CCDC146: variants seen among roughly 807,000 people sequenced by gnomAD.
The protein encoded by CCDC146 is coiled-coil domain containing 146, also known as coiled-coil domain-containing protein 146.
In CCDC146, 92 loss-of-function variants were observed where a neutral mutation model predicts 119.3. The observed-to-expected ratio is 0.77, with a 90% confidence interval of 0.65 to 0.92. CCDC146 has a LOEUF of 0.92. Among genes scored for constraint, CCDC146 ranks in the 40% least tolerant of loss-of-function variants. CCDC146 has a pLI of 0.00. For missense variants in CCDC146, 1,000 were observed against 1,103.0 expected, an observed-to-expected ratio of 0.91 and a Z score of 1.32; for synonymous variants, 372 against 371.8, an observed-to-expected ratio of 1.00 and a Z score of -0.01.
At position 77,134,569 on chromosome 7, in the gene CCDC146, G is replaced by C. The variant is rs867117471; in HGVS notation, c.-12+11837G>C. Among the ~76,000 whole-genome samples, 744 of 135,984 alleles carry C rather than the reference G, an allele frequency of 5.5e-3. 4 individuals carry two copies. The highest frequency in any genetic ancestry group is 0.017 in the African/African-American group (563 of 34,000). 89.2% of individuals were successfully genotyped at this position (135,984 alleles called of 152,430 possible). On this transcript the variant is annotated intron_variant, in intron 1 of 18. Coordinates refer to ENST00000285871, the MANE Select transcript of CCDC146 (RefSeq NM_020879.3). ...TGTGTGTGTGTGTGTGTGTCTGTGTGTGTGTGTGTGTGTGTGTGTGTGTGT... is the reference window on the plus strand; with the variant it reads ...TGTGTGTGTGTGTGTGTGTCTGTGTCTGTGTGTGTGTGTGTGTGTGTGTGT...
intron 1 of CCDC146, among the ~76,000 whole-genome samples, chr7:77,150,002 C>CA (rs1189729288): frequency 1.3e-5 from 2 of 149,270 alleles, no homozygotes; most frequent in Admixed American, 6.7e-5. Flanking sequence ...TATATATATG[C>CA]AAAAAAATGA....
chr7:77,187,850 G>T (rs183028017), intron 2 of CCDC146, among the ~76,000 whole-genome samples: 2 of 152,142 alleles, frequency 1.3e-5, no homozygotes, highest in African/African-American at 4.8e-5. Flanking sequence ...TGCTTAAGTG[G>T]TTTTTTCATT....
chr7:77,271,865 C>T (rs568233959), intron 9 of CCDC146, among the ~76,000 whole-genome samples: 7 of 152,184 alleles, frequency 4.6e-5, no homozygotes, highest in African/African-American at 1.4e-4. Flanking sequence ...AAAAATCTGT[C>T]GAGAGCCTTT....
chr7:77,292,275 C>A (rs1474133328), intron 17 of CCDC146, among the ~76,000 whole-genome samples: 1 of 147,692 alleles, frequency 6.8e-6, no homozygotes, highest in East Asian at 2.0e-4. Flanking sequence ...GTGTGAGCAA[C>A]AGAACAAGAC....
chr7:77,215,191 T>TTC (rs1792281951), intron 2 of CCDC146, among the ~76,000 whole-genome samples: 1 of 49,942 alleles, frequency 2.0e-5, no homozygotes, highest in Non-Finnish European at 3.2e-5. Flanking sequence ...TTTTTTGGTG[T>TTC]TTTTTTTTTT....
intron 17 of CCDC146, among the ~76,000 whole-genome samples, chr7:77,292,264 A>C (rs1217005385): frequency 4.7e-5 from 7 of 150,388 alleles, no homozygotes; most frequent in Non-Finnish European, 5.9e-5. Flanking sequence ...ACTATATACC[A>C]GTGTGAGCAA....
At chr7:77,241,180 C>G (rs1364249279) in intron 3 of CCDC146, among the ~76,000 whole-genome samples, 1 of 149,306 alleles carries the variant, frequency 6.7e-6, no homozygotes, top group Non-Finnish European at 1.5e-5. Flanking sequence ...GCCTCAGCCT[C>G]CCGAGTAGCT....
chr7:77,251,482 C>T (rs1294732818), intron 4 of CCDC146, among the ~76,000 whole-genome samples: 2 of 152,178 alleles, frequency 1.3e-5, no homozygotes, highest in Non-Finnish European at 2.9e-5. Flanking sequence ...CTGATGGTTG[C>T]TCTGTCTCTT....
rs570903323 is a variant in CCDC146 at position 77,290,826 on chromosome 7, T to C, written c.2416-2126T>C. On this transcript the variant is annotated intron_variant, in intron 17 of 18. Transcript: ENST00000285871. ...TATTACATTTTCAGAGGCAGGTAAA[T>C]CACTAGCAGCAACATTTTTCTAAAC... Among the ~76,000 whole-genome samples the C allele has an allele frequency of 6.6e-5, 10 of 152,302 alleles. 1 individual carries two copies. In the South Asian group the frequency reaches 1.5e-3, roughly 22 times the overall value.
intron 15 of CCDC146, among the ~76,000 whole-genome samples, chr7:77,283,644 T>G (rs1451319954): frequency 6.6e-6 from 1 of 152,302 alleles, no homozygotes; most frequent in South Asian, 2.1e-4. Flanking sequence ...CTATTAAAAT[T>G]ATCAAAAATC....
chr7:77,146,698 G>T (rs1791025857), intron 1 of CCDC146, among the ~76,000 whole-genome samples: 2 of 152,128 alleles, frequency 1.3e-5, no homozygotes, highest in Admixed American at 1.3e-4. Flanking sequence ...TGAAATTCTG[G>T]GTTGAAAATA....
At position 77,129,966 on chromosome 7, in the gene CCDC146, A is replaced by T. The variant is rs150824458; in HGVS notation, c.-12+7234A>T. 5.2e-3 allele frequency among the ~76,000 whole-genome samples: 797 copies of T among 152,190 alleles called. 6 individuals are homozygous for T. Among genetic ancestry groups the T allele is most frequent in the Non-Finnish European group, 9.1e-3 (617 of 68,010 alleles). On this transcript the variant is annotated intron_variant, in intron 1 of 18. Transcript: ENST00000285871. The stretch of plus-strand genomic sequence containing the variant: ...TGTATCTCAGTGCTTGCATTCAACT[A>T]ACCCTATTTTACTTCATAAGGGCCC...
At chr7:77,158,408 TTATTC>T (rs1341495578) in intron 1 of CCDC146, among the ~76,000 whole-genome samples, 1 of 152,082 alleles carries the variant, frequency 6.6e-6, no homozygotes, top group African/African-American at 2.4e-5. Context: ...AGAATATACT[TTATTC>T]TATTATTTTA....
At chr7:77,160,246 A>AT (rs1370484153) in intron 1 of CCDC146, among the ~76,000 whole-genome samples, 2 of 152,148 alleles carry the variant, frequency 1.3e-5, no homozygotes, top group Non-Finnish European at 2.9e-5. Context: ...TGACTTGGCG[A>AT]TGTGGGCTCT....
At chr7:77,293,275 C>CA in intron 18 of CCDC146, 75 bp downstream of exon 18, 1 of 1,515,086 alleles carries the variant, frequency 6.6e-7, no homozygotes. Context: ...ACAGTTATCC[C>CA]ACAGTATAAG....
chr7:77,197,606 G>T (rs892120735), intron 2 of CCDC146, among the ~76,000 whole-genome samples: 2 of 152,204 alleles, frequency 1.3e-5, no homozygotes, highest in African/African-American at 4.8e-5. Flanking sequence ...ACCTAAAGGG[G>T]CTGATAGCCT....
chr7:77,241,156 C>T (rs1202693801), intron 3 of CCDC146, among the ~76,000 whole-genome samples: 1 of 150,180 alleles, frequency 6.7e-6, no homozygotes, highest in African/African-American at 2.4e-5. Flanking sequence ...CTCCTGGGTT[C>T]ACGCCATTCT....
intron 1 of CCDC146, among the ~76,000 whole-genome samples, chr7:77,147,330 T>A (rs1487223309): frequency 6.6e-6 from 1 of 152,216 alleles, no homozygotes; most frequent in Admixed American, 6.5e-5. Context: ...TTTCAAGGTT[T>A]TTAACTTCTT....
At chr7:77,168,226 G>C (rs1256883591) in intron 2 of CCDC146, among the ~76,000 whole-genome samples, 1 of 151,988 alleles carries the variant, frequency 6.6e-6, no homozygotes, top group Non-Finnish European at 1.5e-5. Context: ...TACTGCAGTG[G>C]AGCACTGAAA....
Sources: allele counts gnomAD v4.1 joint callset (sites outside exome capture counted in the v4.1 genomes callset), GRCh38; gene constraint gnomAD v4.1.1; transcripts MANE v1.5; gene names NCBI Gene and HGNC (gene_info 2026-07-23, HGNC 2026-07-21).